H1-4: variants seen among roughly 807,000 people sequenced by gnomAD.
H1-4 encodes histone H1.4.
A neutral mutation model predicts 7.2 loss-of-function variants in H1-4; 9 were observed. The observed-to-expected ratio is 1.25, with a 90% CI of 0.75 to 2.18. H1-4 has a LOEUF of 2.18. H1-4 is among the 30% of genes most tolerant of loss of function. The pLI, the probability that H1-4 is intolerant of heterozygous loss-of-function variation, is 0.00. For missense variants in H1-4, 646 were observed against 287.9 expected (o/e 2.24, Z -9.00); for synonymous variants, 318 against 126.6 (o/e 2.51, Z -10.15).
rs766833286 is a variant in H1-4, at chr6:26,156,352, T to C, written c.-39T>C. ...CTCGAGTCCCGGCCAGTGCCTCTGCTTCCGGCTCGAATTGCTCTCGCTCAC... is the reference window on the plus strand; with the variant it reads ...CTCGAGTCCCGGCCAGTGCCTCTGCCTCCGGCTCGAATTGCTCTCGCTCAC... On this transcript the variant is annotated 5_prime_UTR_variant, in exon 1 of 1. Transcript: ENST00000304218. 2.0e-6 allele frequency: 3 copies of C among 1,513,398 alleles called. No homozygotes were observed. The highest frequency in any genetic ancestry group is 2.6e-6 in the Non-Finnish European group (3 of 1,135,176). 93.7% of individuals were successfully genotyped at this position (1,513,398 alleles called of 1,614,324 possible).
rs751343200 is a variant in H1-4, at chr6:26,156,861, G to C, written c.471G>C (p.Lys157Asn). The change falls in exon 1 of 1, where the codon AAG (lysine) becomes AAC (asparagine). Residue 157 changes from lysine (K) to asparagine (N), a missense_variant. Lys to Asn is a moderately conservative substitution (Grantham distance 94). Transcript: ENST00000304218. ...AGAGCGCCAAGAAGACCCCAAAGAA[G>C]GCGAAGAAGCCGGCTGCAGCTGCTG... Reference protein sequence around the residue: ...PKKSAKKTPKKAKKPAAAAGA... With the variant: ...PKKSAKKTPKNAKKPAAAAGA... The C allele has an allele frequency of 6.2e-7, 1 of 1,607,860 alleles. No homozygotes were observed. Among genetic ancestry groups the C allele is most frequent in the South Asian group, 1.1e-5 (1 of 90,696 alleles).
rs1561964988 is a variant in H1-4 at position 26,156,399 on chromosome 6, G to A, written c.9G>A (p.Glu3=). The stretch of plus-strand genomic sequence containing the variant: ...TCACGCTTGCCTTCAACATGTCCGA[G>A]ACTGCGCCTGCCGCGCCCGCTGCTC... MS[E]TAPAAPAAPA... is the part of the protein sequence containing the mutation. Residue 3 remains glutamate, a synonymous_variant, in exon 1 of 1, where the codon GAG becomes GAA. Transcript: ENST00000304218. 5 of 1,583,264 alleles carry A rather than the reference G, an allele frequency of 3.2e-6. No homozygotes were observed. Among genetic ancestry groups the A allele is most frequent in the African/African-American group, 1.4e-5 (1 of 73,798 alleles).
At position 26,157,030 on chromosome 6, in the gene H1-4, G is replaced by A. The variant is rs776968459; in HGVS notation, c.640G>A (p.Ala214Thr). The A allele has an allele frequency of 1.3e-6, 2 of 1,581,988 alleles. No individual in the cohort carries two copies. Among genetic ancestry groups the A allele is most frequent in the South Asian group, 1.2e-5 (1 of 85,536 alleles). ...GCCCAAGGCAGCCAAGCCAAAGAAG[G>A]CGGCAGCCAAGAAAAAGTAGAAAGT... is the stretch of plus-strand genomic sequence containing the variant. Reference protein sequence around the residue: ...AKPKAAKPKKAAAKKK With the variant: ...AKPKAAKPKKTAAKKK The change falls in exon 1 of 1, where the codon GCG becomes ACG. Residue 214 changes from alanine (A) to threonine (T), a missense_variant. Physicochemically the swap from Ala to Thr is moderately conservative, Grantham distance 58. Transcript: ENST00000304218.
In H1-4 at chr6:26,156,753, A is replaced by G. The variant is rs142089484; in HGVS notation, c.363A>G (p.Lys121=). The G allele has an allele frequency of 1.9e-6, 3 of 1,613,730 alleles. No homozygotes were observed. Among genetic ancestry groups the G allele is most frequent in the Admixed American group, 1.7e-5 (1 of 59,962 alleles). The change falls in exon 1 of 1, where the codon AAA becomes AAG. Residue 121 remains lysine (K), a synonymous_variant. Transcript: ENST00000304218. ...CTGGGGAAGCCAAGCCTAAGGCTAAAAAGGCAGGCGCGGCCAAGGCCAAGA... is the reference window on the plus strand; with the variant it reads ...CTGGGGAAGCCAAGCCTAAGGCTAAGAAGGCAGGCGCGGCCAAGGCCAAGA... The part of the protein sequence containing the change: ...AASGEAKPKA[K]KAGAAKAKKP...
At position 26,157,112 on chromosome 6, in the gene H1-4, C is replaced by G; in HGVS notation, c.*62C>G. The G allele has an allele frequency of 6.5e-7, 1 of 1,536,034 alleles. No individual in the cohort carries two copies. On this transcript the variant is annotated 3_prime_UTR_variant, in exon 1 of 1. Transcript: ENST00000304218. Reference sequence around the variant, plus strand: ...AACCCAAAGGCTCTTTTCAGAGCCACCCACCGCTCTCAGTAAAAGAGCTGT... The same window carrying G: ...AACCCAAAGGCTCTTTTCAGAGCCAGCCACCGCTCTCAGTAAAAGAGCTGT...
rs757367774 is a variant in H1-4, at chr6:26,156,446, C to A, written c.56C>A (p.Pro19His). 4.3e-6 allele frequency: 7 copies of A among 1,610,952 alleles called. No homozygotes were observed. The highest frequency in any genetic ancestry group is 5.9e-6 in the Non-Finnish European group (7 of 1,178,752). The change falls in exon 1 of 1, where the codon CCC (proline) becomes CAC (histidine). Residue 19 changes from proline to histidine, a missense_variant. Physicochemically the swap from Pro to His is moderately conservative, Grantham distance 77. Transcript: ENST00000304218. Reference sequence around the variant, plus strand: ...GCTCCGGCCCCTGCCGAGAAGACTCCCGTGAAGAAGAAGGCCCGCAAGTCT... The same window carrying A: ...GCTCCGGCCCCTGCCGAGAAGACTCACGTGAAGAAGAAGGCCCGCAAGTCT... The part of the protein sequence containing the change: ...PAAPAPAEKT[P>H]VKKKARKSAG...
Position 26,156,455 on chromosome 6 carries a change from A to G in H1-4, c.65A>G (p.Lys22Arg), listed in dbSNP as rs1764169808. 1.2e-6 allele frequency: 2 copies of G among 1,612,004 alleles called. No individual in the cohort carries two copies. Among genetic ancestry groups the G allele is most frequent in the Non-Finnish European group, 1.7e-6 (2 of 1,179,298 alleles). ...CCTGCCGAGAAGACTCCCGTGAAGA[A>G]GAAGGCCCGCAAGTCTGCAGGTGCG... ...PAPAEKTPVKKKARKSAGAAK... is the reference protein window; with the variant it reads ...PAPAEKTPVKRKARKSAGAAK... Residue 22 changes from lysine to arginine, a missense_variant, in exon 1 of 1, where the codon AAG (lysine) becomes AGG (arginine). By Grantham distance (26) the Lys-to-Arg change is conservative. Coordinates refer to ENST00000304218, the MANE Select transcript of H1-4 (RefSeq NM_005321.3).
chr6:26,156,334 C>G lies in H1-4; in HGVS notation c.-57C>G, dbSNP rs1417605802. On this transcript the variant is annotated 5_prime_UTR_variant, in exon 1 of 1. Transcript: ENST00000304218. Reference sequence around the variant, plus strand: ...GCGGGCGCAGCGCCGCGGCTCGAGTCCCGGCCAGTGCCTCTGCTTCCGGCT... The same window carrying G: ...GCGGGCGCAGCGCCGCGGCTCGAGTGCCGGCCAGTGCCTCTGCTTCCGGCT... 4 of 1,467,998 alleles carry G rather than the reference C, an allele frequency of 2.7e-6. No individual in the cohort carries two copies. Among genetic ancestry groups the G allele is most frequent in the South Asian group, 1.3e-5 (1 of 75,104 alleles). The allele number at this position is 1,467,998 out of a possible 1,614,324, so 90.9% of individuals were successfully genotyped here. A position where few individuals can be genotyped will look rare whatever the true frequency, so the allele number is the denominator to read the frequency against.
Position 26,156,332 on chromosome 6 carries a change from G to C in H1-4, c.-59G>C, listed in dbSNP as rs1383004213. On this transcript the variant is annotated 5_prime_UTR_variant, in exon 1 of 1. Coordinates refer to ENST00000304218, the MANE Select transcript of H1-4 (RefSeq NM_005321.3). Reference sequence around the variant, plus strand: ...GGGCGGGCGCAGCGCCGCGGCTCGAGTCCCGGCCAGTGCCTCTGCTTCCGG... The same window carrying C: ...GGGCGGGCGCAGCGCCGCGGCTCGACTCCCGGCCAGTGCCTCTGCTTCCGG... 4 of 1,462,406 alleles carry C rather than the reference G, an allele frequency of 2.7e-6. No individual in the cohort carries two copies. The highest frequency in any genetic ancestry group is 1.3e-5 in the South Asian group (1 of 74,942). 90.6% of individuals were successfully genotyped at this position (1,462,406 alleles called of 1,614,324 possible). A position where few individuals can be genotyped will look rare whatever the true frequency, so the allele number is the denominator to read the frequency against.
Position 26,156,403 on chromosome 6 carries a change from G to C in H1-4, c.13G>C (p.Ala5Pro). The C allele has an allele frequency of 6.3e-7, 1 of 1,585,302 alleles. No homozygotes were observed. Among genetic ancestry groups the C allele is most frequent in the Non-Finnish European group, 8.6e-7 (1 of 1,165,820 alleles). Residue 5 changes from alanine (A) to proline (P), a missense_variant, in exon 1 of 1, where the codon GCG becomes CCG. By Grantham distance (27) the Ala-to-Pro change is conservative. Coordinates refer to ENST00000304218, the MANE Select transcript of H1-4 (RefSeq NM_005321.3). ...GCTTGCCTTCAACATGTCCGAGACT[G>C]CGCCTGCCGCGCCCGCTGCTCCGGC... MSET[A>P]PAAPAAPAPA...
Position 26,156,954 on chromosome 6 carries a change from A to C in H1-4, c.564A>C (p.Pro188=). 3 of 1,612,572 alleles carry C rather than the reference A, an allele frequency of 1.9e-6. No individual in the cohort carries two copies. Among genetic ancestry groups the C allele is most frequent in the Non-Finnish European group, 2.5e-6 (3 of 1,179,932 alleles). Reference sequence around the variant, plus strand: ...AGCCAAAAAAGGCGCCCAAGAGCCCAGCGAAGGCCAAAGCAGTTAAACCCA... The same window carrying C: ...AGCCAAAAAAGGCGCCCAAGAGCCCCGCGAAGGCCAAAGCAGTTAAACCCA... ...AAKPKKAPKS[P]AKAKAVKPKA... The change falls in exon 1 of 1, where the codon CCA becomes CCC. Residue 188 remains proline, a synonymous_variant. Coordinates refer to ENST00000304218, the MANE Select transcript of H1-4 (RefSeq NM_005321.3).
chr6:26,156,760 G>C lies in H1-4; in HGVS notation c.370G>C (p.Gly124Arg), dbSNP rs1198789397. ...AGCCAAGCCTAAGGCTAAAAAGGCAGGCGCGGCCAAGGCCAAGAAGCCAGC... is the reference window on the plus strand; with the variant it reads ...AGCCAAGCCTAAGGCTAAAAAGGCACGCGCGGCCAAGGCCAAGAAGCCAGC... ...GEAKPKAKKAGAAKAKKPAGA... is the reference protein window; with the variant it reads ...GEAKPKAKKARAAKAKKPAGA... The change falls in exon 1 of 1, where the codon GGC becomes CGC. Residue 124 changes from glycine (G) to arginine (R), a missense_variant. Transcript: ENST00000304218. The C allele has an allele frequency of 1.9e-6, 3 of 1,613,672 alleles. No individual in the cohort carries two copies. Among genetic ancestry groups the C allele is most frequent in the African/African-American group, 2.7e-5 (2 of 74,938 alleles).
rs376979971 is a variant in H1-4 at position 26,156,678 on chromosome 6, C to G, written c.288C>G (p.Thr96=). Residue 96 remains threonine, a synonymous_variant, in exon 1 of 1, where the codon ACC becomes ACG. Coordinates refer to ENST00000304218, the MANE Select transcript of H1-4 (RefSeq NM_005321.3). ...SLVSKGTLVQ[T]KGTGASGSFK... is the part of the protein sequence containing the mutation. Reference sequence around the variant, plus strand: ...TGAGCAAGGGCACCCTGGTGCAGACCAAGGGCACCGGCGCGTCGGGTTCCT... The same window carrying G: ...TGAGCAAGGGCACCCTGGTGCAGACGAAGGGCACCGGCGCGTCGGGTTCCT... 6.2e-7 allele frequency: 1 copy of G among 1,614,194 alleles called. No homozygotes were observed. Among genetic ancestry groups the G allele is most frequent in the South Asian group, 1.1e-5 (1 of 91,086 alleles).
In H1-4 at chr6:26,156,874, G is replaced by C. The variant is rs371797691; in HGVS notation, c.484G>C (p.Ala162Pro). 1.9e-5 allele frequency: 30 copies of C among 1,607,796 alleles called. No homozygotes were observed. Among genetic ancestry groups the C allele is most frequent in the Middle Eastern group, 1.9e-4 (1 of 5,232 alleles). The change falls in exon 1 of 1, where the codon GCT becomes CCT. Residue 162 changes from alanine to proline, a missense_variant. By Grantham distance (27) the Ala-to-Pro change is conservative (BLOSUM62 -1). Coordinates refer to ENST00000304218, the MANE Select transcript of H1-4 (RefSeq NM_005321.3). ...KKTPKKAKKP[A>P]AAAGAKKAKS... ...GACCCCAAAGAAGGCGAAGAAGCCG[G>C]CTGCAGCTGCTGGAGCCAAAAAAGC...
Position 26,156,590 on chromosome 6 carries a change from C to G in H1-4, c.200C>G (p.Ala67Gly), listed in dbSNP as rs1189577462. 2 of 1,614,106 alleles carry G rather than the reference C, an allele frequency of 1.2e-6. No homozygotes were observed. Among genetic ancestry groups the G allele is most frequent in the East Asian group, 2.2e-5 (1 of 44,888 alleles). Reference sequence around the variant, plus strand: ...TTGGCCGCTCTCAAGAAAGCGCTGGCAGCCGCTGGCTATGACGTGGAGAAG... The same window carrying G: ...TTGGCCGCTCTCAAGAAAGCGCTGGGAGCCGCTGGCTATGACGTGGAGAAG... ...VSLAALKKAL[A>G]AAGYDVEKNN... The change falls in exon 1 of 1, where the codon GCA becomes GGA. Residue 67 changes from alanine to glycine, a missense_variant. By Grantham distance (60) the Ala-to-Gly change is moderately conservative (BLOSUM62 0). Transcript: ENST00000304218.
rs774751617 is a variant in H1-4, at chr6:26,156,372, G to T, written c.-19G>T. On this transcript the variant is annotated 5_prime_UTR_variant, in exon 1 of 1. Transcript: ENST00000304218. ...TCTGCTTCCGGCTCGAATTGCTCTC[G>T]CTCACGCTTGCCTTCAACATGTCCG... The T allele has an allele frequency of 6.5e-6, 10 of 1,533,320 alleles. No individual in the cohort carries two copies. Among genetic ancestry groups the T allele is most frequent in the African/African-American group, 2.8e-5 (2 of 72,304 alleles). 95.0% of individuals were successfully genotyped at this position (1,533,320 alleles called of 1,614,324 possible).
In H1-4 at chr6:26,156,429, C is replaced by A; in HGVS notation, c.39C>A (p.Ala13=). ...CGCCTGCCGCGCCCGCTGCTCCGGCCCCTGCCGAGAAGACTCCCGTGAAGA... is the reference window on the plus strand; with the variant it reads ...CGCCTGCCGCGCCCGCTGCTCCGGCACCTGCCGAGAAGACTCCCGTGAAGA... ...ETAPAAPAAP[A]PAEKTPVKKK... The change falls in exon 1 of 1, where the codon GCC becomes GCA. Residue 13 remains alanine, a synonymous_variant. Coordinates refer to ENST00000304218, the MANE Select transcript of H1-4 (RefSeq NM_005321.3). The A allele has an allele frequency of 6.2e-7, 1 of 1,603,394 alleles. No individual in the cohort carries two copies. The highest frequency in any genetic ancestry group is 8.5e-7 in the Non-Finnish European group (1 of 1,174,502).
At position 26,156,942 on chromosome 6, in the gene H1-4, G is replaced by C. The variant is rs771976554; in HGVS notation, c.552G>C (p.Ala184=). 1.2e-6 allele frequency: 2 copies of C among 1,612,384 alleles called. No homozygotes were observed. The highest frequency in any genetic ancestry group is 1.7e-6 in the Non-Finnish European group (2 of 1,179,862). Residue 184 remains alanine, a synonymous_variant, in exon 1 of 1, where the codon GCG becomes GCC. Transcript: ENST00000304218. ...CGAAAGCAGCCAAGCCAAAAAAGGCGCCCAAGAGCCCAGCGAAGGCCAAAG... is the reference window on the plus strand; with the variant it reads ...CGAAAGCAGCCAAGCCAAAAAAGGCCCCCAAGAGCCCAGCGAAGGCCAAAG... ...KKAKAAKPKK[A]PKSPAKAKAV... is the part of the protein sequence containing the mutation.
rs757852467 is a variant in H1-4 at position 26,156,956 on chromosome 6, C to A, written c.566C>A (p.Ala189Glu). 10 of 1,612,360 alleles carry A rather than the reference C, an allele frequency of 6.2e-6. No individual in the cohort carries two copies. Among genetic ancestry groups the A allele is most frequent in the Non-Finnish European group, 8.5e-6 (10 of 1,179,920 alleles). ...CCAAAAAAGGCGCCCAAGAGCCCAG[C>A]GAAGGCCAAAGCAGTTAAACCCAAG... ...AKPKKAPKSPAKAKAVKPKAA... is the reference protein window; with the variant it reads ...AKPKKAPKSPEKAKAVKPKAA... Residue 189 changes from alanine (A) to glutamate (E), a missense_variant, in exon 1 of 1, where the codon GCG becomes GAG. Physicochemically the swap from Ala to Glu is moderately radical, Grantham distance 107. Coordinates refer to ENST00000304218, the MANE Select transcript of H1-4 (RefSeq NM_005321.3).
Sources: gnomAD v4.1 joint callset for allele counts on GRCh38, gnomAD v4.1.1 for gene constraint, MANE v1.5 for transcripts, NCBI Gene and HGNC (gene_info 2026-07-23, HGNC 2026-07-21) for gene names.